The following CDH13 variants were observed in gnomAD, a reference collection of about 807,000 sequenced individuals.
CDH13 encodes the protein cadherin 13.
Under a neutral mutation model 63.8 loss-of-function variants are expected in CDH13, and 24 were observed. The ratio of observed to expected loss-of-function variants is 0.38; its 90% confidence interval spans 0.27 to 0.53. CDH13 has a LOEUF of 0.53. Among genes scored for constraint, CDH13 ranks in the 20% least tolerant of loss-of-function variants. The probability of loss-of-function intolerance (pLI) is 0.85; values close to 1 mark genes in which losing one functional copy is unlikely to be tolerated. For synonymous variants in CDH13, 503 were observed against 355.3 expected (o/e 1.42, Z -4.67); for missense variants, 1,049 against 903.1 (o/e 1.16, Z -2.07).
chr16:83,353,359 C>T (rs1046526917), intron 6 of CDH13, among the ~76,000 whole-genome samples: 62 of 152,206 alleles, frequency 4.1e-4, no homozygotes, highest in Admixed American at 3.9e-4. Flanking sequence ...CCTCCATATC[C>T]CAGGCCCCCA....
chr16:82,674,144 G>C (rs941609652), intron 1 of CDH13, among the ~76,000 whole-genome samples: 1 of 152,152 alleles, frequency 6.6e-6, no homozygotes, highest in African/African-American at 2.4e-5. Flanking sequence ...CTTGTAATGA[G>C]AGAGGAATTA....
chr16:83,060,616 C>G (rs1210792324), intron 3 of CDH13, among the ~76,000 whole-genome samples: 1 of 152,192 alleles, frequency 6.6e-6, no homozygotes, highest in African/African-American at 2.4e-5. Flanking sequence ...AGTAATGAAA[C>G]TCTCCGGAAA....
chr16:83,118,867 C>T (rs1051769246), intron 3 of CDH13, among the ~76,000 whole-genome samples: 3 of 152,154 alleles, frequency 2.0e-5, no homozygotes, highest in African/African-American at 7.2e-5. Flanking sequence ...CTCCTCTGCT[C>T]TCTTGCATCT....
intron 5 of CDH13, among the ~76,000 whole-genome samples, chr16:83,289,193 C>T (rs992805238): frequency 2.8e-5 from 4 of 141,944 alleles, no homozygotes; most frequent in East Asian, 2.0e-4. Flanking sequence ...TATGAATGTG[C>T]GTGAACTTGG....
chr16:83,293,988 G>C (rs1567570262), intron 5 of CDH13, among the ~76,000 whole-genome samples: 1 of 152,088 alleles, frequency 6.6e-6, no homozygotes, highest in Non-Finnish European at 1.5e-5. Flanking sequence ...GGAGAAGATT[G>C]AAAAAAATCA....
chr16:82,785,135 C>T (rs1221973658), intron 1 of CDH13, among the ~76,000 whole-genome samples: 1 of 151,966 alleles, frequency 6.6e-6, no homozygotes, highest in Non-Finnish European at 1.5e-5. Flanking sequence ...AGGGGAGAGA[C>T]GGGGGCTTGC....
intron 10 of CDH13, among the ~76,000 whole-genome samples, chr16:83,730,243 G>C (rs187495459): frequency 3.3e-5 from 5 of 152,134 alleles, no homozygotes; most frequent in Non-Finnish European, 7.3e-5. Flanking sequence ...ATTATTCTAA[G>C]GCCCTCTCTC....
intron 4 of CDH13, among the ~76,000 whole-genome samples, chr16:83,170,365 A>G (rs1567472188): frequency 6.6e-6 from 1 of 152,116 alleles, no homozygotes; most frequent in Non-Finnish European, 1.5e-5. Context: ...GTGAGAGATC[A>G]GGGTGTTTAG....
At chr16:82,759,140 G>T (rs956436115) in intron 1 of CDH13, among the ~76,000 whole-genome samples, 2 of 152,164 alleles carry the variant, frequency 1.3e-5, no homozygotes, top group African/African-American at 4.8e-5. Flanking sequence ...TAAATGGCCC[G>T]GCTTCCTGTG....
chr16:82,753,868 C>T (rs542513597), intron 1 of CDH13, among the ~76,000 whole-genome samples: 11 of 152,314 alleles, frequency 7.2e-5, no homozygotes, highest in African/African-American at 2.4e-4. Flanking sequence ...CTCCCATCAC[C>T]AAGGGCCATC....
intron 7 of CDH13, among the ~76,000 whole-genome samples, chr16:83,570,338 C>G (rs1904459561): frequency 6.6e-6 from 1 of 152,118 alleles, no homozygotes; most frequent in South Asian, 2.1e-4. Context: ...TCTAAAATCC[C>G]CACCTCTCAC....
At chr16:83,064,339 A>ATC (rs2031827911) in intron 3 of CDH13, among the ~76,000 whole-genome samples, 1 of 145,292 alleles carries the variant, frequency 6.9e-6, no homozygotes, top group Non-Finnish European at 1.5e-5. Context: ...ATTGCACTCC[A>ATC]GCCTGGGTGA....
chr16:83,485,971 C>G (rs2073877321), intron 6 of CDH13, among the ~76,000 whole-genome samples: 1 of 152,094 alleles, frequency 6.6e-6, no homozygotes, highest in East Asian at 1.9e-4. Flanking sequence ...GGTTAAACCC[C>G]ATTTATACCA....
chr16:83,316,358 G>A (rs1306154963), intron 5 of CDH13, among the ~76,000 whole-genome samples: 1 of 152,194 alleles, frequency 6.6e-6, no homozygotes, highest in Non-Finnish European at 1.5e-5. Context: ...GCCTAGTGGA[G>A]GGGGAATCTA....
intron 1 of CDH13, among the ~76,000 whole-genome samples, chr16:82,839,697 G>T (rs948134848): frequency 6.6e-6 from 1 of 152,142 alleles, no homozygotes; most frequent in Non-Finnish European, 1.5e-5. Flanking sequence ...GGGCTTATTT[G>T]CCCTTGGAAC....
intron 1 of CDH13, chr16:82,688,972 C>G (rs559097228): frequency 1.3e-5 from 2 of 152,218 alleles, no homozygotes; most frequent in Admixed American, 1.3e-4. Context: ...CCAGGCCCCA[C>G]GGAGAACCAG....
At chr16:83,691,116 G>A (rs1280755963) in intron 10 of CDH13, among the ~76,000 whole-genome samples, 1 of 128,538 alleles carries the variant, frequency 7.8e-6, no homozygotes, top group Non-Finnish European at 1.7e-5. Context: ...GTGTGTGTGT[G>A]TGTCAGAGAG....
intron 3 of CDH13, among the ~76,000 whole-genome samples, chr16:83,051,047 C>G (rs1264265283): frequency 1.3e-5 from 2 of 152,212 alleles, no homozygotes; most frequent in African/African-American, 4.8e-5. Flanking sequence ...GGGCCACTTT[C>G]TTTTAAGTTT....
chr16:83,143,374 T>C (rs770442325), intron 4 of CDH13, among the ~76,000 whole-genome samples: 12 of 152,178 alleles, frequency 7.9e-5, no homozygotes, highest in Non-Finnish European at 1.8e-4. Flanking sequence ...TGAATATGTA[T>C]TCATATACAT....
Sources: gnomAD v4.1 joint callset for allele counts (sites outside exome capture counted in the v4.1 genomes callset) on GRCh38, gnomAD v4.1.1 for gene constraint, MANE v1.5 for transcripts, NCBI Gene and HGNC (gene_info 2026-07-23, HGNC 2026-07-21) for gene names.